EML6: variants seen among roughly 807,000 people sequenced by gnomAD.
EML6 encodes echinoderm microtubule-associated protein-like 6.
A neutral mutation model predicts 240.1 loss-of-function variants in EML6; 154 were observed. The ratio of observed to expected loss-of-function variants is 0.64; its 90% confidence interval spans 0.56 to 0.73. EML6 has a LOEUF of 0.73. Ranked by LOEUF, EML6 falls within the 30% of genes least tolerant of loss-of-function variation. EML6 has a pLI of 0.00. For synonymous variants in EML6, 1,148 were observed against 899.0 expected, an observed-to-expected ratio of 1.28 and a Z score of -4.95; for missense variants, 2,964 against 2,474.6, an observed-to-expected ratio of 1.20 and a Z score of -4.20.
At chr2:54,743,711 C>G (rs1318666773) in intron 2 of EML6, among the ~76,000 whole-genome samples, 1 of 152,098 alleles carries the variant, frequency 6.6e-6, no homozygotes, top group African/African-American at 2.4e-5. Context: ...GTAAAATACT[C>G]TTGTGCAACT....
At chr2:54,851,048 T>C (rs1383805816) in intron 10 of EML6, among the ~76,000 whole-genome samples, 1 of 152,176 alleles carries the variant, frequency 6.6e-6, no homozygotes, top group African/African-American at 2.4e-5. Context: ...GTTTTAACAA[T>C]GCATGGGAAT....
At position 54,967,123 on chromosome 2, in the gene EML6, A is replaced by C; in HGVS notation, c.5597+20A>C. The C allele has an allele frequency of 1.3e-6, 2 of 1,506,948 alleles. No homozygotes were observed. The highest frequency in any genetic ancestry group is 1.8e-6 in the Non-Finnish European group (2 of 1,106,814). 93.3% of individuals were successfully genotyped at this position (1,506,948 alleles called of 1,614,324 possible). A position where few individuals can be genotyped will look rare whatever the true frequency, so the allele number is the denominator to read the frequency against. On this transcript the variant is annotated intron_variant, in intron 39 of 41. Transcript: ENST00000356458. ...GACAAGGTGACTGACTGGAAGAAAA[A>C]ACTTGAGGAAAAGGTCACAAGGGAG...
intron 2 of EML6, among the ~76,000 whole-genome samples, chr2:54,726,896 C>T (rs1189488451): frequency 3.3e-5 from 5 of 152,010 alleles, no homozygotes; most frequent in Non-Finnish European, 5.9e-5. Flanking sequence ...ACAGAAAATT[C>T]TCTGTGGTTA....
chr2:54,940,186 C>T (rs540184208), intron 28 of EML6, among the ~76,000 whole-genome samples: 1 of 152,274 alleles, frequency 6.6e-6, no homozygotes, highest in Non-Finnish European at 1.5e-5. Flanking sequence ...TAGCATTTTC[C>T]AGAATTTTTA....
intron 2 of EML6, among the ~76,000 whole-genome samples, chr2:54,757,244 G>A (rs1453436960): frequency 2.0e-5 from 3 of 152,028 alleles, no homozygotes; most frequent in African/African-American, 4.8e-5. Context: ...GCTTTCATCA[G>A]ATGTTGGGCA....
chr2:54,860,161 G>A (rs568707586), intron 12 of EML6, among the ~76,000 whole-genome samples: 1 of 152,302 alleles, frequency 6.6e-6, no homozygotes, highest in African/African-American at 2.4e-5. Flanking sequence ...AATCAGGACA[G>A]GAATCCCCAC....
intron 26 of EML6, among the ~76,000 whole-genome samples, chr2:54,923,908 C>G (rs1414750912): frequency 1.3e-5 from 2 of 152,136 alleles, no homozygotes; most frequent in Non-Finnish European, 2.9e-5. Context: ...TATCCAGCTT[C>G]TTTCACTCAG....
intron 16 of EML6, among the ~76,000 whole-genome samples, chr2:54,879,070 G>A (rs143984309): frequency 6.6e-6 from 1 of 152,144 alleles, no homozygotes; most frequent in African/African-American, 2.4e-5. Context: ...TCCTAATTTG[G>A]AGAATTAACT....
intron 2 of EML6, among the ~76,000 whole-genome samples, chr2:54,803,945 A>G (rs758478515): frequency 2.0e-5 from 3 of 152,354 alleles, no homozygotes; most frequent in East Asian, 1.9e-4. Context: ...ATGAAATCAC[A>G]TTGAATTCAA....
At chr2:54,916,202 G>T (rs1673900859) in intron 25 of EML6, among the ~76,000 whole-genome samples, 3 of 152,180 alleles carry the variant, frequency 2.0e-5, no homozygotes, top group Admixed American at 2.0e-4. Flanking sequence ...GTTGTGTCTT[G>T]TAACTTTTTA....
At chr2:54,924,130 A>G (rs945398826) in intron 26 of EML6, among the ~76,000 whole-genome samples, 3 of 152,238 alleles carry the variant, frequency 2.0e-5, no homozygotes, top group African/African-American at 7.2e-5. Flanking sequence ...AGGTAAATAT[A>G]TAGGAGTGGA....
intron 24 of EML6, among the ~76,000 whole-genome samples, chr2:54,909,438 C>G (rs1673523089): frequency 6.6e-6 from 1 of 152,160 alleles, no homozygotes; most frequent in African/African-American, 2.4e-5. Flanking sequence ...AAGGAAAAAT[C>G]CCCTAATCAC....
chr2:54,929,269 C>A (rs183705094), intron 28 of EML6, among the ~76,000 whole-genome samples: 1 of 152,296 alleles, frequency 6.6e-6, no homozygotes, highest in East Asian at 1.9e-4. Context: ...GCATTTCCAG[C>A]CTATCCCATT....
intron 19 of EML6, 94 bp from the exon 20 acceptor site, chr2:54,894,821 A>C: frequency 1.4e-6 from 1 of 732,444 alleles, no homozygotes; most frequent in Non-Finnish European, 2.3e-6. Flanking sequence ...TAGCATCCAC[A>C]AAGCTTCCTT....
intron 13 of EML6, 92 bp from the exon 14 acceptor site, chr2:54,866,674 G>T: frequency 1.7e-6 from 1 of 597,330 alleles, no homozygotes; most frequent in Non-Finnish European, 2.9e-6. Context: ...TTTTATTGAA[G>T]CAATTAAAGA....
At chr2:54,791,697 G>A (rs1484690829) in intron 2 of EML6, among the ~76,000 whole-genome samples, 3 of 152,150 alleles carry the variant, frequency 2.0e-5, no homozygotes, top group Admixed American at 2.0e-4. Flanking sequence ...GCAGGCTAGA[G>A]CCAAGAGAAC....
intron 2 of EML6, among the ~76,000 whole-genome samples, chr2:54,766,886 T>G (rs572763482): frequency 1.5e-3 from 230 of 151,802 alleles, no homozygotes; most frequent in Middle Eastern, 0.014. Flanking sequence ...TATTCTATTG[T>G]ACAGTAAATA....
At chr2:54,885,259 A>G (rs531423731) in intron 17 of EML6, among the ~76,000 whole-genome samples, 27 of 152,214 alleles carry the variant, frequency 1.8e-4, no homozygotes, top group African/African-American at 6.5e-4. Context: ...AGCCTGACCA[A>G]CATGGTAAAA....
At chr2:54,788,640 G>A (rs1669224180) in intron 2 of EML6, among the ~76,000 whole-genome samples, 1 of 152,164 alleles carries the variant, frequency 6.6e-6, no homozygotes, top group East Asian at 1.9e-4. Context: ...AAAATAACTG[G>A]TTATTTGGCT....
Sources: allele counts gnomAD v4.1 joint callset (sites outside exome capture counted in the v4.1 genomes callset), GRCh38; gene constraint gnomAD v4.1.1; transcripts MANE v1.5; gene names NCBI Gene and HGNC (gene_info 2026-07-23, HGNC 2026-07-21).